The following DARS1 variants were observed in gnomAD, a reference collection of about 807,000 sequenced individuals.
DARS1 encodes the protein aspartyl-tRNA synthetase 1.
Under a neutral mutation model 68.8 loss-of-function variants are expected in DARS1, and 51 were observed. The ratio of observed to expected loss-of-function variants is 0.74; its 90% CI spans 0.59 to 0.94. The LOEUF (loss-of-function observed/expected upper bound fraction) is 0.94, where lower values mean the gene tolerates loss of function less well. Among genes scored for constraint, DARS1 ranks in the 40% least tolerant of loss-of-function variants. The pLI is 0.00. For missense variants in DARS1, 607 were observed against 597.3 expected, an observed-to-expected ratio of 1.02 and a Z score of -0.17; for synonymous variants, 203 against 190.4, an observed-to-expected ratio of 1.07 and a Z score of -0.55.
chr2:135,935,174 T>C (rs369281219), intron 5 of DARS1, among the ~76,000 whole-genome samples: 1 of 152,206 alleles, frequency 6.6e-6, no homozygotes, highest in East Asian at 1.9e-4. Context: ...GCTGCACTTC[T>C]TTTCTCATTC....
At chr2:135,969,821 G>A (rs1682326409) in intron 3 of DARS1, among the ~76,000 whole-genome samples, 1 of 152,154 alleles carries the variant, frequency 6.6e-6, no homozygotes, top group African/African-American at 2.4e-5. Flanking sequence ...GAAGTTTAGG[G>A]TTAGGTTTCT....
chr2:135,963,895 G>C (rs999614055), intron 3 of DARS1, among the ~76,000 whole-genome samples: 5 of 151,664 alleles, frequency 3.3e-5, no homozygotes, highest in Admixed American at 2.0e-4. Flanking sequence ...TGGTCAGGCT[G>C]GTCTCGAACT....
At chr2:135,955,070 G>A (rs997273615) in intron 4 of DARS1, among the ~76,000 whole-genome samples, 1 of 151,358 alleles carries the variant, frequency 6.6e-6, no homozygotes, top group Non-Finnish European at 1.5e-5. Context: ...AGAGACTGGG[G>A]GATGACCAAA....
intron 7 of DARS1, among the ~76,000 whole-genome samples, chr2:135,926,037 C>T (rs920305481): frequency 5.9e-5 from 9 of 152,104 alleles, no homozygotes; most frequent in Non-Finnish European, 1.3e-4. Flanking sequence ...ATTATAGGTG[C>T]CCGTCACCAT....
At position 135,906,322 on chromosome 2, in the gene DARS1, ATCT is replaced by A. The variant is rs374592391; in HGVS notation, c.*991_*993del. Among the ~76,000 whole-genome samples the A allele has an allele frequency of 0.16, 24,343 of 152,086 alleles. 2,221 individuals carry two copies. The highest frequency in any genetic ancestry group is 0.39 in the Middle Eastern group (115 of 292). ...AACATTAGCATCAACATTTGTAATA[ATCT>A]AGAGGGAAAGTGTTTCTAACTAATT... On this transcript the variant is annotated 3_prime_UTR_variant, in exon 16 of 16. Coordinates refer to ENST00000264161, the MANE Select transcript of DARS1 (RefSeq NM_001349.4).
At chr2:135,982,906 C>G (rs1049254321) in intron 2 of DARS1, among the ~76,000 whole-genome samples, 1 of 151,976 alleles carries the variant, frequency 6.6e-6, no homozygotes, top group African/African-American at 2.4e-5. Flanking sequence ...CCTTAGTTTT[C>G]AAGGATGCTG....
chr2:135,919,921 T>G (rs1681081138), intron 10 of DARS1, among the ~76,000 whole-genome samples: 1 of 152,242 alleles, frequency 6.6e-6, no homozygotes, highest in Non-Finnish European at 1.5e-5. Flanking sequence ...TTCAGTTGAC[T>G]GAAGGAACTT....
chr2:135,961,589 C>T (rs1217402803), intron 3 of DARS1, 91 bp from the exon 4 acceptor site: 2 of 771,848 alleles, frequency 2.6e-6, no homozygotes, highest in Non-Finnish European at 4.6e-6. Flanking sequence ...TAAAAGTGGG[C>T]CAAAATTTAC....
intron 3 of DARS1, among the ~76,000 whole-genome samples, chr2:135,973,656 A>C (rs970950986): frequency 6.6e-6 from 1 of 152,112 alleles, no homozygotes; most frequent in Non-Finnish European, 1.5e-5. Flanking sequence ...TGAGTTTCAG[A>C]CCAGCCTGGG....
rs773931622 is a variant in DARS1 at position 135,979,334 on chromosome 2, T to C, written c.157A>G (p.Ile53Val). The change falls in exon 3 of 16, where the codon ATA becomes GTA. Residue 53 changes from isoleucine to valine, a missense_variant. Coordinates refer to ENST00000264161, the MANE Select transcript of DARS1 (RefSeq NM_001349.4). ...RVLVRVRDLT[I>V]QKADEVVWVR... ...CAAACAACTTCATCAGCTTTTTGTATTGTCAAGTCTCTAACCCGAACCAAA... is the reference window on the plus strand; with the variant it reads ...CAAACAACTTCATCAGCTTTTTGTACTGTCAAGTCTCTAACCCGAACCAAA... 3.5e-5 allele frequency: 53 copies of C among 1,497,474 alleles called. No homozygotes were observed. The Admixed American group carries it at 7.5e-4, about 21-fold the overall frequency. The allele number at this position is 1,497,474 out of a possible 1,614,324, so 92.8% of individuals were successfully genotyped here. A position where few individuals can be genotyped will look rare whatever the true frequency, so the allele number is the denominator to read the frequency against.
intron 3 of DARS1, among the ~76,000 whole-genome samples, chr2:135,963,479 C>G (rs938365067): frequency 6.6e-6 from 1 of 151,434 alleles, no homozygotes; most frequent in Non-Finnish European, 1.5e-5. Context: ...TCAAGCGATT[C>G]TCCTGCCTCA....
intron 2 of DARS1, among the ~76,000 whole-genome samples, chr2:135,979,850 T>C (rs1470180219): frequency 3.9e-5 from 6 of 152,194 alleles, no homozygotes; most frequent in African/African-American, 7.2e-5. Context: ...AGTCGCAGTA[T>C]CCTATTCCCC....
chr2:135,960,385 T>G (rs1682074146), intron 4 of DARS1, among the ~76,000 whole-genome samples: 1 of 152,192 alleles, frequency 6.6e-6, no homozygotes, highest in Non-Finnish European at 1.5e-5. Context: ...TATAACATTG[T>G]GCTAGAGGGT....
At chr2:135,907,698 AAAAC>A (rs1680818686) in intron 15 of DARS1, among the ~76,000 whole-genome samples, 1 of 152,214 alleles carries the variant, frequency 6.6e-6, no homozygotes, top group East Asian at 1.9e-4. Context: ...AACAATAAGA[AAAAC>A]AAAACAAAAG....
chr2:135,910,978 T>C (rs1285885632), intron 15 of DARS1, 161 bp downstream of exon 15: 1 of 533,458 alleles, frequency 1.9e-6, no homozygotes, highest in Non-Finnish European at 3.4e-6. Context: ...TAGAACTTTA[T>C]GACAATAATA....
chr2:135,920,829 G>C (rs539471969), intron 9 of DARS1, among the ~76,000 whole-genome samples: 17 of 152,128 alleles, frequency 1.1e-4, no homozygotes, highest in Non-Finnish European at 1.9e-4. Flanking sequence ...AAATTAATAA[G>C]AGAGGTTCAT....
chr2:135,955,318 A>T (rs1217301229), intron 4 of DARS1, among the ~76,000 whole-genome samples: 1 of 152,192 alleles, frequency 6.6e-6, no homozygotes, highest in Non-Finnish European at 1.5e-5. Context: ...TCTGGTTGTC[A>T]GAAATAATGT....
At chr2:135,984,322 T>C (rs535253473) in intron 1 of DARS1, among the ~76,000 whole-genome samples, 2 of 152,316 alleles carry the variant, frequency 1.3e-5, no homozygotes, top group African/African-American at 4.8e-5. Flanking sequence ...TACACAAAAA[T>C]AATTGCCCTA....
At chr2:135,955,389 T>C (rs1038523355) in intron 4 of DARS1, among the ~76,000 whole-genome samples, 1 of 152,094 alleles carries the variant, frequency 6.6e-6, no homozygotes, top group African/African-American at 2.4e-5. Context: ...ACCACCCACA[T>C]TCAAATGAGT....
Sources: gnomAD v4.1 joint callset for allele counts (sites outside exome capture counted in the v4.1 genomes callset) on GRCh38, gnomAD v4.1.1 for gene constraint, MANE v1.5 for transcripts, NCBI Gene and HGNC (gene_info 2026-07-23, HGNC 2026-07-21) for gene names.